The following SYNJ2 variants were observed in gnomAD, a reference collection of about 807,000 sequenced individuals.
SYNJ2 encodes the protein synaptojanin 2.
In SYNJ2, 116 loss-of-function variants were observed where a neutral mutation model predicts 141.3. That is an observed-to-expected ratio of 0.82 (90% CI 0.71 to 0.96). The LOEUF (loss-of-function observed/expected upper bound fraction) is 0.96. Ranked by LOEUF, SYNJ2 falls within the 40% of genes least tolerant of loss-of-function variation. SYNJ2 has a pLI of 0.00. For missense variants in SYNJ2, 1,873 were observed against 1,934.8 expected, an observed-to-expected ratio of 0.97 and a Z score of 0.60; for synonymous variants, 745 against 777.7, an observed-to-expected ratio of 0.96 and a Z score of 0.70.
chr6:158,029,394 C>CAAAAAAAAAA (rs59043421), intron 3 of SYNJ2: 27 of 92,424 alleles, frequency 2.9e-4, no homozygotes, highest in African/African-American at 8.0e-4. Flanking sequence ...ACTAAAAATA[C>CAAAAAAAAAA]AAAAAAAAAA....
upstream of SYNJ2, among the ~76,000 whole-genome samples, chr6:157,981,707 C>T (rs1215433685): frequency 6.6e-6 from 1 of 151,788 alleles, no homozygotes; most frequent in Non-Finnish European, 1.5e-5. This position sits in a 1 kb window ranked among gnomAD's most constrained non-coding sequence, Gnocchi z 6.4. Context: ...GGCGCGGCCT[C>T]GCGCAGCTGC....
At chr6:158,094,411 A>C (rs1318919434) in intron 26 of SYNJ2, among the ~76,000 whole-genome samples, 1 of 151,458 alleles carries the variant, frequency 6.6e-6, no homozygotes, top group African/African-American at 2.4e-5. Context: ...AAAAAAAAAA[A>C]AAAAAAACAC....
Position 158,083,613 on chromosome 6 carries a change from G to A in SYNJ2, c.3034+16G>A. ...GAGTCAGAAGGTTAGTGACCCTGCA[G>A]GGAGGGACAGGCAAGCCGTTCTTCT... On this transcript the variant is annotated intron_variant, in intron 21 of 26. Transcript: ENST00000355585. The A allele has an allele frequency of 1.2e-6, 2 of 1,613,666 alleles. No homozygotes were observed. The highest frequency in any genetic ancestry group is 1.7e-6 in the Non-Finnish European group (2 of 1,179,812).
In SYNJ2 at chr6:158,028,888, G is replaced by A. The variant is rs376223674; in HGVS notation, c.347G>A (p.Arg116His). The change falls in exon 3 of 27, where the codon CGC becomes CAC. Residue 116 changes from arginine (R) to histidine (H), a missense_variant. Arg to His is a conservative substitution (Grantham distance 29). Transcript: ENST00000355585. ...PLQEEAKEEE[R>H]LIALKKILSS... ...CAGGAAGAGGCCAAGGAGGAGGAAC[G>A]CCTCATAGCTTTGAAGAAAATCCTC... 8 of 1,614,058 alleles carry A rather than the reference G, an allele frequency of 5.0e-6. No individual in the cohort carries two copies. The highest frequency in any genetic ancestry group is 2.2e-5 in the South Asian group (2 of 91,082).
Position 158,043,330 on chromosome 6 carries a change from CG to C in SYNJ2, c.727del (p.Asp243MetfsTer29). On this transcript the variant is annotated frameshift_variant, in exon 5 of 27. Transcript: ENST00000355585. LOFTEE classifies it high-confidence loss of function. This position sits in a 1 kb window ranked among gnomAD's most constrained non-coding sequence, Gnocchi z 4.0. ...TTGTGCCGCAGATGATTTACATGGA[CG>C]ATGGAGTGTCATCTTTTGTCCAGAT... is the stretch of plus-strand genomic sequence containing the variant. ...VETEQMIYMD[D>X]GVSSFVQIRG... 1 of 1,613,962 alleles carries C rather than the reference CG, an allele frequency of 6.2e-7. No homozygotes were observed. The highest frequency in any genetic ancestry group is 8.5e-7 in the Non-Finnish European group (1 of 1,179,840).
chr6:158,030,470 T>C (rs2128337143), intron 3 of SYNJ2: 1 of 152,846 alleles, frequency 6.5e-6, no homozygotes, highest in East Asian at 1.9e-4. Context: ...AATTCCTGAT[T>C]TCTGCCGGAA....
intron 1 of SYNJ2, among the ~76,000 whole-genome samples, chr6:157,992,918 T>C (rs1777504902): frequency 6.6e-6 from 1 of 152,194 alleles, no homozygotes. Flanking sequence ...AGTGCAGACA[T>C]CTGTTTGATA....
rs1034987223 is a variant in SYNJ2, at chr6:158,071,718, T to G, written c.2057T>G (p.Leu686Arg). ...STSFCFICSH[L>R]TAGQSQVKER... is the part of the protein sequence containing the mutation. ...AGCTTCTGCTTCATATGTAGTCACC[T>G]GACGGCCGGGCAGTCCCAGGTGAAG... Residue 686 changes from leucine to arginine, a missense_variant, in exon 15 of 27, where the codon CTG becomes CGG. Leu to Arg is a moderately radical substitution (Grantham distance 102, BLOSUM62 -2). Transcript: ENST00000355585. This position sits in a 1 kb window ranked among gnomAD's most constrained non-coding sequence, Gnocchi z 4.3. 5.6e-6 allele frequency: 9 copies of G among 1,613,992 alleles called. No homozygotes were observed. The highest frequency in any genetic ancestry group is 7.6e-6 in the Non-Finnish European group (9 of 1,180,042).
chr6:157,985,962 C>G (rs553455215), intron 1 of SYNJ2, among the ~76,000 whole-genome samples: 10 of 152,180 alleles, frequency 6.6e-5, no homozygotes, highest in African/African-American at 2.4e-4. Flanking sequence ...TGCGAGGCCA[C>G]GTCTCGAGTT....
At chr6:158,044,810 A>G (rs991118976) in intron 5 of SYNJ2, among the ~76,000 whole-genome samples, 1 of 152,094 alleles carries the variant, frequency 6.6e-6, no homozygotes, top group Non-Finnish European at 1.5e-5. Flanking sequence ...TACTGTCTTT[A>G]TCTATAGATT....
At chr6:158,024,268 T>A (rs1316476218) in intron 2 of SYNJ2, among the ~76,000 whole-genome samples, 1 of 151,920 alleles carries the variant, frequency 6.6e-6, no homozygotes, top group Non-Finnish European at 1.5e-5. Flanking sequence ...CTACTAAAAA[T>A]ACAAAAATTA....
chr6:157,989,567 C>T (rs764125888), intron 1 of SYNJ2, among the ~76,000 whole-genome samples: 8 of 151,462 alleles, frequency 5.3e-5, no homozygotes, highest in Non-Finnish European at 1.0e-4. Flanking sequence ...AAACAGCCAG[C>T]CCCTTTCTGA....
intron 1 of SYNJ2, among the ~76,000 whole-genome samples, chr6:157,993,478 G>A (rs1172443740): frequency 6.6e-6 from 1 of 152,058 alleles, no homozygotes; most frequent in Non-Finnish European, 1.5e-5. Flanking sequence ...CTCCCATTCT[G>A]TGGGCTGTCT....
intron 22 of SYNJ2, 80 bp from the exon 23 acceptor site, chr6:158,086,775 G>A: frequency 3.4e-6 from 5 of 1,471,804 alleles, no homozygotes; most frequent in Non-Finnish European, 4.6e-6. Flanking sequence ...GCCACAGTCG[G>A]CCTCCTGTGC....
intron 1 of SYNJ2, among the ~76,000 whole-genome samples, chr6:157,992,232 G>C (rs1405043788): frequency 6.6e-6 from 1 of 151,514 alleles, no homozygotes; most frequent in Non-Finnish European, 1.5e-5. Flanking sequence ...ATTTTTATTT[G>C]TTTTACTCAT....
chr6:157,987,563 G>T (rs529750355), intron 1 of SYNJ2, among the ~76,000 whole-genome samples: 1 of 151,916 alleles, frequency 6.6e-6, no homozygotes, highest in South Asian at 2.1e-4. Context: ...CATCACGTCC[G>T]GCTAATTTTT....
At chr6:158,088,864 T>C in intron 24 of SYNJ2, 92 bp downstream of exon 24, 1 of 883,004 alleles carries the variant, frequency 1.1e-6, no homozygotes, top group Non-Finnish European at 1.8e-6. Flanking sequence ...GATTTATGTG[T>C]CTTTAACCCT....
chr6:158,011,840 A>G (rs1778280587), intron 1 of SYNJ2, among the ~76,000 whole-genome samples: 3 of 152,222 alleles, frequency 2.0e-5, no homozygotes, highest in Non-Finnish European at 4.4e-5. Flanking sequence ...ACAAAGTCAG[A>G]ACTGGATCAT....
Position 158,062,775 on chromosome 6 carries a change from T to A in SYNJ2, c.1127+611T>A, listed in dbSNP as rs548723043. ...TTTGCTGGACAGAGTATTTAAATAC[T>A]CTGGCCTCGTATTTAAACAAGTTTC... On this transcript the variant is annotated intron_variant, in intron 8 of 26. Transcript: ENST00000355585. Among the ~76,000 whole-genome samples, 5 of 152,380 alleles carry A rather than the reference T, an allele frequency of 3.3e-5. No individual in the cohort carries two copies. In the East Asian group the frequency reaches 7.7e-4, roughly 23 times the overall value.
Sources: allele counts gnomAD v4.1 joint callset (sites outside exome capture counted in the v4.1 genomes callset), GRCh38; gene constraint gnomAD v4.1.1; non-coding constraint Gnocchi (gnomAD v3.1); transcripts MANE v1.5; gene names NCBI Gene and HGNC (gene_info 2026-07-23, HGNC 2026-07-21).